Variants in TTC6 observed in about 807,000 individuals in gnomAD.
The protein encoded by TTC6 is tetratricopeptide repeat domain 6.
A neutral mutation model predicts 210.4 loss-of-function variants in TTC6; 172 were observed. The ratio of observed to expected loss-of-function variants is 0.82; its 90% CI spans 0.72 to 0.93. The LOEUF (loss-of-function observed/expected upper bound fraction) is 0.93. Ranked by LOEUF, TTC6 falls within the 40% of genes least tolerant of loss-of-function variation. TTC6 has a pLI of 0.00. For missense variants in TTC6, 2,414 were observed against 2,318.1 expected, an observed-to-expected ratio of 1.04 and a Z score of -0.85; for synonymous variants, 804 against 819.6, an observed-to-expected ratio of 0.98 and a Z score of 0.32.
chr14:37,683,230 A>G (rs891814538), intron 3 of TTC6, among the ~76,000 whole-genome samples: 3 of 152,158 alleles, frequency 2.0e-5, no homozygotes, highest in African/African-American at 7.2e-5. Flanking sequence ...TAGGTCTTTT[A>G]GAAATTGGCC....
At position 37,812,359 on chromosome 14, in the gene TTC6, A is replaced by G. The variant is rs746879108; in HGVS notation, c.4615A>G (p.Thr1539Ala). 5.0e-6 allele frequency: 8 copies of G among 1,613,336 alleles called. No homozygotes were observed. In the African/African-American group the frequency reaches 9.3e-5, roughly 19 times the overall value. ...TGTGCTGCTTCTTGATGCTACAGAA[A>G]CTGTAAAACTAAATACCTTCCTTAA... Residue 1539 changes from threonine (T) to alanine (A), a missense_variant, in exon 25 of 31, where the codon ACT (threonine) becomes GCT (alanine). Thr to Ala is a moderately conservative substitution (Grantham distance 58). Coordinates refer to ENST00000553443, the Ensembl canonical transcript of TTC6.
chr14:37,683,020 A>C, intron 3 of TTC6, 56 bp downstream of exon 5: 3 of 1,491,680 alleles, frequency 2.0e-6, no homozygotes, highest in Non-Finnish European at 2.7e-6. Context: ...GAGGATGTGC[A>C]GGTGTGAAGA....
intron 14 of TTC6, among the ~76,000 whole-genome samples, chr14:37,758,728 A>G (rs2095975161): frequency 6.6e-6 from 1 of 152,154 alleles, no homozygotes; most frequent in African/African-American, 2.4e-5. Context: ...TCCTGTCATC[A>G]TGATGCTAGC....
chr14:37,657,973 A>G (rs935976395), intron 1 of TTC6, among the ~76,000 whole-genome samples: 1 of 152,112 alleles, frequency 6.6e-6, no homozygotes, highest in Non-Finnish European at 1.5e-5. Flanking sequence ...CTTTTTTATT[A>G]TTTGTCATTT....
chr14:37,832,279 T>G (rs1363625362), intron 29 of TTC6, among the ~76,000 whole-genome samples: 1 of 151,326 alleles, frequency 6.6e-6, no homozygotes, highest in Non-Finnish European at 1.5e-5. Flanking sequence ...TTTGTATTTT[T>G]TAAGTCTTTA....
At chr14:37,820,494 G>A (rs1336027650) in intron 26 of TTC6, among the ~76,000 whole-genome samples, 1 of 152,128 alleles carries the variant, frequency 6.6e-6, no homozygotes, top group Non-Finnish European at 1.5e-5. Context: ...TAATTGGTTA[G>A]GCTATACAGA....
chr14:37,695,511 C>A (rs1471323979), intron 3 of TTC6, among the ~76,000 whole-genome samples: 1 of 152,072 alleles, frequency 6.6e-6, no homozygotes, highest in Non-Finnish European at 1.5e-5. Flanking sequence ...TGCACCACCA[C>A]GCCTAGCTAA....
At chr14:37,822,420 C>T (rs1374783307) in intron 26 of TTC6, among the ~76,000 whole-genome samples, 2 of 152,016 alleles carry the variant, frequency 1.3e-5, no homozygotes, top group Non-Finnish European at 1.5e-5. Context: ...ACAGTTTATC[C>T]TGGGCTCCAT....
rs766754018 is a variant in TTC6 at position 37,622,767 on chromosome 14, G to T, written c.703G>T (p.Gly235Trp). 4.6e-6 allele frequency: 7 copies of T among 1,534,854 alleles called. No individual in the cohort carries two copies. In the South Asian group the frequency reaches 8.3e-5, roughly 18 times the overall value. Residue 235 changes from glycine (G) to tryptophan (W), a missense_variant, in exon 1 of 31, where the codon GGG becomes TGG. Coordinates refer to ENST00000553443, the Ensembl canonical transcript of TTC6. ...CCGCAGCAACTTCGTGAGCGAGAGC[G>T]GGGCCCGCGAGGCGCGGGAAGCGGC...
At chr14:37,685,892 A>G (rs1293674289) in intron 3 of TTC6, among the ~76,000 whole-genome samples, 4 of 152,126 alleles carry the variant, frequency 2.6e-5, no homozygotes, top group Non-Finnish European at 4.4e-5. Context: ...CAATCTATGC[A>G]TTGATCTTGG....
intron 17 of TTC6, among the ~76,000 whole-genome samples, chr14:37,793,232 C>T (rs934713474): frequency 5.3e-5 from 8 of 152,138 alleles, no homozygotes; most frequent in Admixed American, 1.3e-4. Flanking sequence ...AAGCTAAATT[C>T]TACAAAAGCC....
chr14:37,696,643 C>A (rs937397503), intron 3 of TTC6, 74 bp from the exon 6 acceptor site: 4 of 643,808 alleles, frequency 6.2e-6, no homozygotes, highest in Admixed American at 4.0e-5. Flanking sequence ...TTAGGTGACT[C>A]GCTAAATATG....
chr14:37,790,561 T>C (rs2096077100), intron 15 of TTC6, among the ~76,000 whole-genome samples, 156 bp from the exon 18 acceptor site: 1 of 152,228 alleles, frequency 6.6e-6, no homozygotes, highest in South Asian at 2.1e-4. Flanking sequence ...TACTATTATT[T>C]AACTTACCAA....
intron 14 of TTC6, among the ~76,000 whole-genome samples, chr14:37,759,091 C>A (rs182526200): frequency 6.6e-6 from 1 of 151,666 alleles, no homozygotes; most frequent in African/African-American, 2.4e-5. Flanking sequence ...GCTAACATGG[C>A]AAAACTCTGT....
At chr14:37,708,494 G>T (rs1340874656) in intron 5 of TTC6, among the ~76,000 whole-genome samples, 4 of 152,046 alleles carry the variant, frequency 2.6e-5, no homozygotes, top group Non-Finnish European at 5.9e-5. Flanking sequence ...AGTAACGGCT[G>T]GGATTCAAGC....
intron 6 of TTC6, among the ~76,000 whole-genome samples, chr14:37,718,900 C>T (rs1204861435): frequency 6.6e-6 from 1 of 151,980 alleles, no homozygotes; most frequent in Non-Finnish European, 1.5e-5. Flanking sequence ...ATCATGCACT[C>T]CAGCCTAGAC....
chr14:37,747,597 A>G (rs2095939959), intron 10 of TTC6, among the ~76,000 whole-genome samples: 1 of 152,126 alleles, frequency 6.6e-6, no homozygotes, highest in Non-Finnish European at 1.5e-5. Context: ...CAGAGGAATA[A>G]ACACTTTGAT....
At chr14:37,614,135 T>C (rs552435096) in intron 2 of TTC6, among the ~76,000 whole-genome samples, 1 of 152,276 alleles carries the variant, frequency 6.6e-6, no homozygotes, top group African/African-American at 2.4e-5. Context: ...CCACACATTC[T>C]GATATGTTGT....
At chr14:37,622,635 G>A (rs2139300396) in exon 1 of TTC6, 1 of 1,535,206 alleles carries the variant, frequency 6.5e-7, no homozygotes, top group Non-Finnish European at 8.7e-7. Flanking sequence ...GAGCCAGGAG[G>A]TAGCTCCTCT....
Sources: allele counts gnomAD v4.1 joint callset (sites outside exome capture counted in the v4.1 genomes callset), GRCh38; gene constraint gnomAD v4.1.1; transcripts MANE v1.5; gene names NCBI Gene and HGNC (gene_info 2026-07-23, HGNC 2026-07-21).